The following SNRNP48 variants were observed in gnomAD, a reference collection of about 807,000 sequenced individuals.
The protein encoded by SNRNP48 is U11/U12 small nuclear ribonucleoprotein 48 kDa protein.
Under a neutral mutation model 47.0 loss-of-function variants are expected in SNRNP48, and 43 were observed. That is an observed-to-expected ratio of 0.92 (90% CI 0.72 to 1.18). The LOEUF (loss-of-function observed/expected upper bound fraction) is 1.18. Among genes scored for constraint, SNRNP48 ranks in the 50% most tolerant of loss-of-function variants. The probability of loss-of-function intolerance (pLI) is 0.00; values close to 1 mark genes in which losing one functional copy is unlikely to be tolerated. For synonymous variants in SNRNP48, 138 were observed against 144.0 expected (o/e 0.96, Z 0.30); for missense variants, 396 against 422.2 (o/e 0.94, Z 0.54).
intron 3 of SNRNP48, among the ~76,000 whole-genome samples, 156 bp downstream of exon 3, chr6:7,594,315 A>G (rs920510496): frequency 2.0e-5 from 3 of 152,240 alleles, no homozygotes; most frequent in Non-Finnish European, 4.4e-5. Context: ...CAAGGCAACT[A>G]ATTCACATAA....
In SNRNP48 at chr6:7,606,139, A is replaced by G. The variant is rs1395803777; in HGVS notation, c.915A>G (p.Lys305=). 6.2e-7 allele frequency: 1 copy of G among 1,613,834 alleles called. No individual in the cohort carries two copies. The highest frequency in any genetic ancestry group is 1.7e-5 in the Admixed American group (1 of 59,948). The change falls in exon 8 of 9, where the codon AAA becomes AAG. Residue 305 remains lysine, a synonymous_variant. Coordinates refer to ENST00000342415, the MANE Select transcript of SNRNP48 (RefSeq NM_152551.4). ...HRRDRSRSPH[K]RKRNKDKDKN... ...GGGATAGGAGTAGAAGCCCACATAA[A>G]AGAAAAAGAAACAAAGATAAGGATA... is the stretch of plus-strand genomic sequence containing the variant.
At chr6:7,591,673 A>AACGTTT (rs1173261029) in intron 1 of SNRNP48, among the ~76,000 whole-genome samples, 3 of 152,202 alleles carry the variant, frequency 2.0e-5, no homozygotes, top group East Asian at 3.8e-4. Flanking sequence ...TCCTTGTATT[A>AACGTTT]ACGTTTAAAT....
Position 7,593,827 on chromosome 6 carries a change from G to A in SNRNP48, c.250G>A (p.Gly84Ser). 1 of 1,588,518 alleles carries A rather than the reference G, an allele frequency of 6.3e-7. No individual in the cohort carries two copies. Among genetic ancestry groups the A allele is most frequent in the South Asian group, 1.2e-5 (1 of 85,234 alleles). ...GGCATCTTGTAGATTGAGGAAAATG[G>A]GCTATACCAAAGAAGAAGAGGTACC... ...HMASCRLRKM[G>S]YTKEEEDEMY... is the part of the protein sequence containing the mutation. Residue 84 changes from glycine (G) to serine (S), a missense_variant, in exon 2 of 9, where the codon GGC (glycine) becomes AGC (serine). By Grantham distance (56) the Gly-to-Ser change is moderately conservative (BLOSUM62 0). Transcript: ENST00000342415.
At chr6:7,600,774 C>G (rs1760002952) in intron 4 of SNRNP48, 1 of 152,096 alleles carries the variant, frequency 6.6e-6, no homozygotes. Flanking sequence ...TGTGGGATTT[C>G]TGCTACTTAA....
chr6:7,600,248 G>A (rs1759990026), intron 4 of SNRNP48: 1 of 965,876 alleles, frequency 1.0e-6, no homozygotes. Flanking sequence ...ATGTAGACAA[G>A]TAGTACCTCT....
intron 4 of SNRNP48, among the ~76,000 whole-genome samples, chr6:7,595,702 A>G (rs143393483): frequency 6.6e-6 from 1 of 152,334 alleles, no homozygotes; most frequent in East Asian, 1.9e-4. Flanking sequence ...GCTAAAAGAG[A>G]TTAGTCTCCA....
chr6:7,593,673 T>C (rs1759855097), intron 1 of SNRNP48, 61 bp from the exon 2 acceptor site: 1 of 1,059,994 alleles, frequency 9.4e-7, no homozygotes, highest in African/African-American at 1.6e-5. Flanking sequence ...AAACATTTAA[T>C]GGTAATTATT....
chr6:7,611,232 GC>G lies in SNRNP48; in HGVS notation c.*2360del, dbSNP rs1243399116. 1 of 152,300 alleles carries G rather than the reference GC, an allele frequency of 6.6e-6. No individual in the cohort carries two copies. Among genetic ancestry groups the G allele is most frequent in the Non-Finnish European group, 1.5e-5 (1 of 68,170 alleles). 9.4% of individuals were successfully genotyped at this position (152,300 alleles called of 1,614,324 possible). On this transcript the variant is annotated 3_prime_UTR_variant, in exon 9 of 9. Transcript: ENST00000342415. ...TTTAGTTTTTTAGAGATGGAGTCTT[GC>G]TCTGTTGCCTAGGCTGGTCTTGAAC...
At position 7,609,110 on chromosome 6, in the gene SNRNP48, A is replaced by G. The variant is rs896099199; in HGVS notation, c.*237A>G. 7.3e-5 allele frequency: 20 copies of G among 273,088 alleles called. No homozygotes were observed. The highest frequency in any genetic ancestry group is 3.9e-4 in the African/African-American group (18 of 45,668). The allele number at this position is 273,088 out of a possible 1,614,324, so 16.9% of individuals were successfully genotyped here. Reference sequence around the variant, plus strand: ...TATTTTATTAGATGATTTGCTTCCTATAACTGATGTTGTTTTGTTCGTTTT... The same window carrying G: ...TATTTTATTAGATGATTTGCTTCCTGTAACTGATGTTGTTTTGTTCGTTTT... On this transcript the variant is annotated 3_prime_UTR_variant, in exon 9 of 9. Transcript: ENST00000342415.
rs1186550642 is a variant in SNRNP48 at position 7,610,152 on chromosome 6, T to C, written c.*1279T>C. 3 of 152,198 alleles carry C rather than the reference T, an allele frequency of 2.0e-5. No homozygotes were observed. Among genetic ancestry groups the C allele is most frequent in the Non-Finnish European group, 2.9e-5 (2 of 68,030 alleles). The allele number at this position is 152,198 out of a possible 1,614,324, so 9.4% of individuals were successfully genotyped here. A position where few individuals can be genotyped will look rare whatever the true frequency, so the allele number is the denominator to read the frequency against. On this transcript the variant is annotated 3_prime_UTR_variant, in exon 9 of 9. Coordinates refer to ENST00000342415, the MANE Select transcript of SNRNP48 (RefSeq NM_152551.4). ...AGACTTTGGCATGAAATGTTAAGCA[T>C]CCGACATCTAAATAGCAATATTTTG... is the stretch of plus-strand genomic sequence containing the variant.
intron 4 of SNRNP48, chr6:7,600,329 T>G (rs1759992118): frequency 2.5e-6 from 1 of 395,190 alleles, no homozygotes; most frequent in East Asian, 1.6e-4. Flanking sequence ...AGGAACTTAA[T>G]GAGGTTAGAC....
rs1760205783 is a variant in SNRNP48 at position 7,610,110 on chromosome 6, G to A, written c.*1237G>A. ...TGCTGAGTAGTATGTTCTATCTTATGTCAGATCATTCACGTGAGACTTTGG... is the reference window on the plus strand; with the variant it reads ...TGCTGAGTAGTATGTTCTATCTTATATCAGATCATTCACGTGAGACTTTGG... On this transcript the variant is annotated 3_prime_UTR_variant, in exon 9 of 9. Transcript: ENST00000342415. The A allele has an allele frequency of 2.6e-5, 4 of 152,230 alleles. No individual in the cohort carries two copies. In the South Asian group the frequency reaches 8.3e-4, roughly 32 times the overall value. The allele number at this position is 152,230 out of a possible 1,614,324, so 9.4% of individuals were successfully genotyped here.
At chr6:7,605,839 C>A (rs1760114770) in intron 7 of SNRNP48, among the ~76,000 whole-genome samples, 192 bp from the exon 8 acceptor site, 1 of 152,174 alleles carries the variant, frequency 6.6e-6, no homozygotes, top group Non-Finnish European at 1.5e-5. Context: ...AAAAAAATTG[C>A]AACCTCAGGC....
chr6:7,592,254 G>A (rs1164832762), intron 1 of SNRNP48, among the ~76,000 whole-genome samples: 1 of 152,092 alleles, frequency 6.6e-6, no homozygotes, highest in African/African-American at 2.4e-5. Flanking sequence ...TGACCAGATC[G>A]GGAAGCCTCA....
chr6:7,605,577 C>A, intron 7 of SNRNP48, 91 bp downstream of exon 7: 1 of 1,160,652 alleles, frequency 8.6e-7, no homozygotes, highest in Non-Finnish European at 1.2e-6. Context: ...ATTTCCAAAA[C>A]CCTTGATAGC....
At chr6:7,601,811 A>G (rs905672942) in intron 5 of SNRNP48, among the ~76,000 whole-genome samples, 22 of 152,014 alleles carry the variant, frequency 1.4e-4, no homozygotes, top group Non-Finnish European at 2.8e-4. Context: ...TATATTAACA[A>G]CTATTCATGC....
chr6:7,607,375 C>T (rs573556997), intron 8 of SNRNP48, among the ~76,000 whole-genome samples: 1 of 152,324 alleles, frequency 6.6e-6, no homozygotes, highest in African/African-American at 2.4e-5. Context: ...GCTCTCAAGA[C>T]TTCTGGGATC....
intron 8 of SNRNP48, among the ~76,000 whole-genome samples, chr6:7,608,275 G>A (rs1226548458): frequency 6.6e-6 from 1 of 152,052 alleles, no homozygotes; most frequent in Non-Finnish European, 1.5e-5. Flanking sequence ...CTAAGAGACA[G>A]GCCGGGCGTG....
At chr6:7,604,334 G>A (rs9392163) in intron 6 of SNRNP48, among the ~76,000 whole-genome samples, 38,000 of 152,062 alleles carry the variant, frequency 0.25, 5,450 homozygotes, top group East Asian at 0.48. Context: ...AGGATTTTCC[G>A]GGTGGAAGAA....
Sources: allele counts gnomAD v4.1 joint callset (sites outside exome capture counted in the v4.1 genomes callset), GRCh38; gene constraint gnomAD v4.1.1; transcripts MANE v1.5; gene names NCBI Gene and HGNC (gene_info 2026-07-23, HGNC 2026-07-21).